ABCA9: variants seen among roughly 807,000 people sequenced by gnomAD.
The protein encoded by ABCA9 is ATP binding cassette subfamily A member 9.
In ABCA9, 183 loss-of-function variants were observed where a neutral mutation model predicts 205.3. The observed-to-expected ratio is 0.89, with a 90% CI of 0.79 to 1.01. The LOEUF (loss-of-function observed/expected upper bound fraction) is 1.01. Among genes scored for constraint, ABCA9 ranks in the 50% least tolerant of loss-of-function variants. The pLI is 0.00. For missense variants in ABCA9, 1,805 were observed against 1,912.4 expected, an observed-to-expected ratio of 0.94 and a Z score of 1.05; for synonymous variants, 651 against 683.3, an observed-to-expected ratio of 0.95 and a Z score of 0.74.
intron 16 of ABCA9, among the ~76,000 whole-genome samples, chr17:69,024,780 A>G (rs2070927979): frequency 6.6e-6 from 1 of 152,202 alleles, no homozygotes; most frequent in Non-Finnish European, 1.5e-5. Flanking sequence ...GATGTGATAC[A>G]GTCATTAAGA....
intron 37 of ABCA9, among the ~76,000 whole-genome samples, chr17:68,980,947 G>C (rs867943894): frequency 5.3e-5 from 8 of 150,740 alleles, no homozygotes; most frequent in South Asian, 2.1e-4. Context: ...AAAAAAGGAA[G>C]GAAATCGTGT....
At chr17:69,057,777 G>A (rs531307694) in intron 1 of ABCA9, among the ~76,000 whole-genome samples, 4 of 152,160 alleles carry the variant, frequency 2.6e-5, no homozygotes, top group South Asian at 2.1e-4. Context: ...ACCAACTGGC[G>A]GTAGATAATG....
At chr17:69,017,618 C>T in intron 21 of ABCA9, 38 bp downstream of exon 21, 6 of 1,609,482 alleles carry the variant, frequency 3.7e-6, no homozygotes, top group Non-Finnish European at 8.5e-7. Flanking sequence ...ACCCATAGTC[C>T]ACCTTTGGTG....
In ABCA9 at chr17:68,989,929, G is replaced by A. The variant is rs143021308; in HGVS notation, c.3839C>T (p.Thr1280Ile). 1.7e-5 allele frequency: 27 copies of A among 1,602,468 alleles called. No homozygotes were observed. The East Asian group carries it at 5.6e-4, about 33-fold the overall frequency. Residue 1280 changes from threonine to isoleucine, a missense_variant and splice_region_variant, in exon 30 of 39, where the codon ACA (threonine) becomes ATA (isoleucine). Thr to Ile is a moderately conservative substitution (Grantham distance 89). Transcript: ENST00000340001. ...NAMAVRDFDE[T>I]PVIIASCLRK... is the part of the protein sequence containing the mutation. ...TAGACAGCTGGCAATGATGACGGGT[G>A]TCTGTAAAGACAAGTAAATAACAAC...
rs559506330 is a variant in ABCA9 at position 68,980,450 on chromosome 17, A to T, written c.4720+2112T>A. 4.1e-4 allele frequency among the ~76,000 whole-genome samples: 63 copies of T among 152,230 alleles called. 1 individual carries two copies. Among genetic ancestry groups the T allele is most frequent in the African/African-American group, 1.5e-3 (62 of 41,484 alleles). ...TCATTACTGGGTATATACCCAAAGGATTATAAATCATGCTGCTATAAAGAC... is the reference window on the plus strand; with the variant it reads ...TCATTACTGGGTATATACCCAAAGGTTTATAAATCATGCTGCTATAAAGAC... On this transcript the variant is annotated intron_variant, in intron 37 of 38. Transcript: ENST00000340001.
At chr17:69,056,298 C>T (rs753466468) in intron 1 of ABCA9, among the ~76,000 whole-genome samples, 1 of 152,014 alleles carries the variant, frequency 6.6e-6, no homozygotes, top group South Asian at 2.1e-4. Context: ...AGGGAGAGAA[C>T]ACAAGTTGCT....
chr17:68,995,854 C>T, intron 26 of ABCA9, 41 bp downstream of exon 26: 1 of 1,608,008 alleles, frequency 6.2e-7, no homozygotes, highest in Non-Finnish European at 8.5e-7. Context: ...CTCAAATGAC[C>T]ACACATTTCA....
chr17:69,077,450 C>G, the ABCA9 span, among the ~76,000 whole-genome samples: 5 of 152,234 alleles, frequency 3.3e-5, no homozygotes, highest in South Asian at 2.1e-4. Context: ...GGAGTATGTT[C>G]TGTGTGCAGA....
chr17:69,022,831 T>C (rs1474889695), intron 17 of ABCA9, among the ~76,000 whole-genome samples: 2 of 152,204 alleles, frequency 1.3e-5, no homozygotes, highest in African/African-American at 2.4e-5. Context: ...TGGGATAAAT[T>C]AAAGACTTCA....
chr17:68,990,187 C>T (rs2069401787), intron 29 of ABCA9, among the ~76,000 whole-genome samples: 1 of 152,212 alleles, frequency 6.6e-6, no homozygotes, highest in East Asian at 1.9e-4. Flanking sequence ...TGATAAGACA[C>T]ACACTCCCAT....
intron 21 of ABCA9, 69 bp downstream of exon 21, chr17:69,017,587 T>A: frequency 6.4e-7 from 1 of 1,553,410 alleles, no homozygotes; most frequent in Admixed American, 1.8e-5. Context: ...ATTCAGCTGA[T>A]ATGAATTATT....
intron 36 of ABCA9, among the ~76,000 whole-genome samples, chr17:68,983,174 C>T (rs1234625908): frequency 6.6e-6 from 1 of 152,188 alleles, no homozygotes; most frequent in Non-Finnish European, 1.5e-5. Context: ...AGGAAATTAA[C>T]AGCCCCTATG....
In ABCA9 at chr17:69,039,185, A is replaced by T. The variant is rs905718909; in HGVS notation, c.801-3384T>A. Among the ~76,000 whole-genome samples, 3 of 152,318 alleles carry T rather than the reference A, an allele frequency of 2.0e-5. No individual in the cohort carries two copies. The Middle Eastern group carries it at 0.01, about 518-fold the overall frequency. ...TGCTATTCCCATCAAGCTACCGTTG[A>T]CTTTCTTCATAGAATTAGAAAAAAC... On this transcript the variant is annotated intron_variant, in intron 6 of 38. Transcript: ENST00000340001.
chr17:68,996,141 A>G, intron 25 of ABCA9, 127 bp from the exon 26 acceptor site: 3 of 915,472 alleles, frequency 3.3e-6, no homozygotes, highest in Non-Finnish European at 4.7e-6. Flanking sequence ...ACCAGTATTT[A>G]TATCATTTCT....
At chr17:69,074,499 T>C in the ABCA9 span, among the ~76,000 whole-genome samples, 1 of 152,178 alleles carries the variant, frequency 6.6e-6, no homozygotes, top group Non-Finnish European at 1.5e-5. Context: ...GAACATGTGG[T>C]ATTTGGTTTT....
At chr17:69,068,871 G>A in the ABCA9 span, among the ~76,000 whole-genome samples, 3 of 152,148 alleles carry the variant, frequency 2.0e-5, no homozygotes, top group East Asian at 1.9e-4. Context: ...GACAACTCAA[G>A]TATCAAACAG....
rs1191182427 is a variant in ABCA9, at chr17:69,027,243, ACATTT to A, written c.1911+82_1911+86del. The A allele has an allele frequency of 2.6e-6, 4 of 1,562,172 alleles. No homozygotes were observed. The African/African-American group carries it at 5.5e-5, about 22-fold the overall frequency. On this transcript the variant is annotated intron_variant, in intron 14 of 38. Transcript: ENST00000340001. ...AATATTTCATCCTAAAAGTTCTCTT[ACATTT>A]ATCATTTGAAAATTGTTTGACCTAA...
In ABCA9 at chr17:69,012,082, T is replaced by C; in HGVS notation, c.3041A>G (p.Glu1014Gly). The change falls in exon 23 of 39, where the codon GAG (glutamate) becomes GGG (glycine). Residue 1014 changes from glutamate to glycine, a missense_variant and splice_region_variant. Physicochemically the swap from Glu to Gly is moderately conservative, Grantham distance 98. Transcript: ENST00000340001. ...IQTDRSTFFE[E>G]HMDYEYGYRS... is the part of the protein sequence containing the mutation. ...GTACCCATACTCATAATCCATATGC[T>C]CCTGAAATCATGTGGAACATGGTGA... is the stretch of plus-strand genomic sequence containing the variant. 1 of 1,605,320 alleles carries C rather than the reference T, an allele frequency of 6.2e-7. No homozygotes were observed. Among genetic ancestry groups the C allele is most frequent in the South Asian group, 1.1e-5 (1 of 89,536 alleles).
intron 26 of ABCA9, among the ~76,000 whole-genome samples, chr17:68,994,842 A>G (rs778190011): frequency 6.6e-6 from 1 of 152,082 alleles, no homozygotes; most frequent in South Asian, 2.1e-4. Flanking sequence ...GGTAACCTCT[A>G]TCTCTCTTTT....
Sources: gnomAD v4.1 joint callset for allele counts (sites outside exome capture counted in the v4.1 genomes callset) on GRCh38, gnomAD v4.1.1 for gene constraint, MANE v1.5 for transcripts, NCBI Gene and HGNC (gene_info 2026-07-23, HGNC 2026-07-21) for gene names.